The following SLC12A5 variants were observed in gnomAD, a reference collection of about 807,000 sequenced individuals.
The protein encoded by SLC12A5 is solute carrier family 12 member 5.
Under a neutral mutation model 124.0 loss-of-function variants are expected in SLC12A5, and 18 were observed. That is an observed-to-expected ratio of 0.15 (90% CI 0.10 to 0.22). The LOEUF (loss-of-function observed/expected upper bound fraction) is 0.22. Ranked by LOEUF, SLC12A5 falls within the 10% of genes least tolerant of loss-of-function variation. The pLI is 1.00. For synonymous variants in SLC12A5, 589 were observed against 568.0 expected, an observed-to-expected ratio of 1.04 and a Z score of -0.53; for missense variants, 867 against 1,478.7, an observed-to-expected ratio of 0.59 and a Z score of 6.78.
rs1445752751 is a variant in SLC12A5 at position 46,058,621 on chromosome 20, C to A, written c.*1016C>A. The stretch of plus-strand genomic sequence containing the variant: ...CCCGGTGCCTTCGCTGGGGAGCAGG[C>A]GTCTCTCCTCAGTCGGCTTGTCGCC... On this transcript the variant is annotated 3_prime_UTR_variant, in exon 26 of 26. Transcript: ENST00000243964. The surrounding 1 kb of genome is among the most constrained non-coding windows in gnomAD (Gnocchi z 5.8). 2.5e-6 allele frequency: 1 copy of A among 399,074 alleles called. No homozygotes were observed. Among genetic ancestry groups the A allele is most frequent in the East Asian group, 3.6e-5 (1 of 28,038 alleles). The allele number at this position is 399,074 out of a possible 1,614,324, so 24.7% of individuals were successfully genotyped here. A position where few individuals can be genotyped will look rare whatever the true frequency, so the allele number is the denominator to read the frequency against.
At chr20:46,024,868 A>G (rs945901610), upstream of SLC12A5, among the ~76,000 whole-genome samples, 3 of 152,186 alleles carry the variant, frequency 2.0e-5, no homozygotes, top group African/African-American at 7.2e-5. Flanking sequence ...ATGCTCCCCT[A>G]TTCCTTTATC....
intron 13 of SLC12A5, among the ~76,000 whole-genome samples, 154 bp from the exon 14 acceptor site, chr20:46,046,184 G>A (rs1318233298): frequency 2.0e-5 from 3 of 152,098 alleles, no homozygotes; most frequent in African/African-American, 4.8e-5. Flanking sequence ...TGTTGTGAGG[G>A]TATTTGGCTT....
chr20:46,022,167 C>A, intron 1 of SLC12A5: 1 of 311,310 alleles, frequency 3.2e-6, no homozygotes, highest in Non-Finnish European at 5.9e-6. Context: ...GGGGGCGGGT[C>A]TGGTGATGGA....
rs2084713833 is a variant in SLC12A5 at position 46,058,093 on chromosome 20, G to T, written c.*488G>T. ...CTCCGCCGCCCCTTCTCGCCGAGCCGTGGGGCGCGGGCGGCCGAGCCTATA... is the reference window on the plus strand; with the variant it reads ...CTCCGCCGCCCCTTCTCGCCGAGCCTTGGGGCGCGGGCGGCCGAGCCTATA... On this transcript the variant is annotated 3_prime_UTR_variant, in exon 26 of 26. Coordinates refer to ENST00000243964, the MANE Select transcript of SLC12A5 (RefSeq NM_020708.5). The surrounding 1 kb of genome is among the most constrained non-coding windows in gnomAD (Gnocchi z 5.8). 1.1e-5 allele frequency: 2 copies of T among 181,580 alleles called. No individual in the cohort carries two copies. Among genetic ancestry groups the T allele is most frequent in the African/African-American group, 4.7e-5 (2 of 42,548 alleles). The allele number at this position is 181,580 out of a possible 1,614,324, so 11.2% of individuals were successfully genotyped here. A position where few individuals can be genotyped will look rare whatever the true frequency, so the allele number is the denominator to read the frequency against.
At chr20:46,039,494 GC>G (rs1422128854) in intron 6 of SLC12A5, among the ~76,000 whole-genome samples, 1 of 152,174 alleles carries the variant, frequency 6.6e-6, no homozygotes, top group East Asian at 1.9e-4. Flanking sequence ...ATGTCATCTG[GC>G]CGGGCACAGT....
chr20:46,048,721 A>G (rs1268989370), intron 16 of SLC12A5, among the ~76,000 whole-genome samples: 1 of 152,104 alleles, frequency 6.6e-6, no homozygotes. Context: ...AAATACAAAA[A>G]TTAGCCAGGC....
At position 46,056,702 on chromosome 20, in the gene SLC12A5, C is replaced by T; in HGVS notation, c.3110+138C>T. 1 of 1,151,512 alleles carries T rather than the reference C, an allele frequency of 8.7e-7. No individual in the cohort carries two copies. The highest frequency in any genetic ancestry group is 1.2e-6 in the Non-Finnish European group (1 of 807,782). 71.3% of individuals were successfully genotyped at this position (1,151,512 alleles called of 1,614,324 possible). A position where few individuals can be genotyped will look rare whatever the true frequency, so the allele number is the denominator to read the frequency against. On this transcript the variant is annotated intron_variant, in intron 23 of 25. Transcript: ENST00000243964. This position sits in a 1 kb window ranked among gnomAD's most constrained non-coding sequence, Gnocchi z 4.3. Reference sequence around the variant, plus strand: ...TCAGACATTGTCTTGGTTTCTCCATCTGAGGACTTAGGGGGTTGGGCCCCA... The same window carrying T: ...TCAGACATTGTCTTGGTTTCTCCATTTGAGGACTTAGGGGGTTGGGCCCCA...
rs1312637544 is a variant in SLC12A5 at position 46,035,399 on chromosome 20, C to CA, written c.148-4dup. On this transcript the variant is annotated splice_polypyrimidine_tract_variant and splice_region_variant and intron_variant, in intron 2 of 25. Transcript: ENST00000243964. Reference sequence around the variant, plus strand: ...CCTCCTAGCACTGACACCCTCCCTCCATAGGAGGAGATGGACACCAGCCCT... The same window carrying CA: ...CCTCCTAGCACTGACACCCTCCCTCCAATAGGAGGAGATGGACACCAGCCCT... The CA allele has an allele frequency of 3.7e-6, 6 of 1,611,310 alleles. No individual in the cohort carries two copies. Among genetic ancestry groups the CA allele is most frequent in the Non-Finnish European group, 5.1e-6 (6 of 1,178,374 alleles).
Position 46,043,713 on chromosome 20 carries a change from G to A in SLC12A5, c.1318G>A (p.Ala440Thr), listed in dbSNP as rs769231047. Residue 440 changes from alanine (A) to threonine (T), a missense_variant, in exon 10 of 26, where the codon GCC (alanine) becomes ACC (threonine). Coordinates refer to ENST00000243964, the MANE Select transcript of SLC12A5 (RefSeq NM_020708.5). ...CCCCACTGGCACCATCCTGGCCATC[G>A]CCACCACCTCTGCTGTCTGTATCCT... ...SIPTGTILAI[A>T]TTSAVYISSV... 1.2e-5 allele frequency: 20 copies of A among 1,614,066 alleles called. No individual in the cohort carries two copies. In the East Asian group the frequency reaches 1.8e-4, roughly 14 times the overall value.
rs1191633112 is a variant in SLC12A5, at chr20:46,049,652, C to T, written c.2043C>T (p.Asp681=). 1 of 1,606,188 alleles carries T rather than the reference C, an allele frequency of 6.2e-7. No individual in the cohort carries two copies. The highest frequency in any genetic ancestry group is 8.5e-7 in the Non-Finnish European group (1 of 1,176,562). The change falls in exon 17 of 26, where the codon GAC becomes GAT. Residue 681 remains aspartate, a synonymous_variant. Transcript: ENST00000243964. ...RPQLLVLVRV[D]QDQNVVHPQL... ...AGCTGCTGGTGCTGGTGCGTGTGGA[C>T]CAAGACCAGAATGTGGTGCACCCCC... is the stretch of plus-strand genomic sequence containing the variant.
rs763398834 is a variant in SLC12A5, at chr20:46,053,567, A to T, written c.2548-11A>T. Reference sequence around the variant, plus strand: ...GGCTGGACCTTTCTGAATCCCCTTCATCGCCTGCAGGTCTGGCGGAAGTGC... The same window carrying T: ...GGCTGGACCTTTCTGAATCCCCTTCTTCGCCTGCAGGTCTGGCGGAAGTGC... On this transcript the variant is annotated splice_polypyrimidine_tract_variant and intron_variant, in intron 19 of 25. Transcript: ENST00000243964. This position sits in a 1 kb window ranked among gnomAD's most constrained non-coding sequence, Gnocchi z 4.7. The T allele has an allele frequency of 6.2e-7, 1 of 1,613,456 alleles. No homozygotes were observed. The highest frequency in any genetic ancestry group is 1.7e-5 in the Admixed American group (1 of 60,010).
Position 46,058,455 on chromosome 20 carries a change from G to A in SLC12A5, c.*850G>A. 2 of 399,206 alleles carry A rather than the reference G, an allele frequency of 5.0e-6. No homozygotes were observed. Among genetic ancestry groups the A allele is most frequent in the Non-Finnish European group, 8.8e-6 (2 of 226,204 alleles). The allele number at this position is 399,206 out of a possible 1,614,324, so 24.7% of individuals were successfully genotyped here. ...CTTTTCCTGGATTCGCCTCCCAGCG[G>A]ACGTGAGCTTCCACTGCGGCTGCAG... is the stretch of plus-strand genomic sequence containing the variant. On this transcript the variant is annotated 3_prime_UTR_variant, in exon 26 of 26. Coordinates refer to ENST00000243964, the MANE Select transcript of SLC12A5 (RefSeq NM_020708.5). This position sits in a 1 kb window ranked among gnomAD's most constrained non-coding sequence, Gnocchi z 5.8.
chr20:46,052,763 C>T (rs1305312250), intron 18 of SLC12A5, among the ~76,000 whole-genome samples, 194 bp from the exon 19 acceptor site: 2 of 152,174 alleles, frequency 1.3e-5, no homozygotes, highest in Non-Finnish European at 2.9e-5. Context: ...GGTTGATAGA[C>T]GTTCCTAGAT....
chr20:46,025,040 G>A (rs2084385742), upstream of SLC12A5, among the ~76,000 whole-genome samples: 1 of 152,160 alleles, frequency 6.6e-6, no homozygotes, highest in Non-Finnish European at 1.5e-5. Flanking sequence ...GCCCATCTGT[G>A]TTCTAGCTCA....
chr20:46,058,260 T>C lies in SLC12A5; in HGVS notation c.*655T>C, dbSNP rs949757711. The C allele has an allele frequency of 1.8e-5, 7 of 392,008 alleles. No homozygotes were observed. Among genetic ancestry groups the C allele is most frequent in the African/African-American group, 1.4e-4 (7 of 48,562 alleles). The allele number at this position is 392,008 out of a possible 1,614,324, so 24.3% of individuals were successfully genotyped here. A position where few individuals can be genotyped will look rare whatever the true frequency, so the allele number is the denominator to read the frequency against. ...GAGGCCTCGGGAAGCTGAATTTTCC[T>C]TGACGTCCAAGAGTTTGAGAGCGAA... On this transcript the variant is annotated 3_prime_UTR_variant, in exon 26 of 26. Coordinates refer to ENST00000243964, the MANE Select transcript of SLC12A5 (RefSeq NM_020708.5). This position sits in a 1 kb window ranked among gnomAD's most constrained non-coding sequence, Gnocchi z 5.8.
In SLC12A5 at chr20:46,041,533, C is replaced by T; in HGVS notation, c.1059C>T (p.Leu353=). 1.2e-6 allele frequency: 2 copies of T among 1,613,810 alleles called. No homozygotes were observed. The highest frequency in any genetic ancestry group is 1.7e-6 in the Non-Finnish European group (2 of 1,179,948). ...IQGIPGAASG[L]IKENLWSSYL... ...GCATCCCTGGTGCTGCCAGTGGCCT[C>T]ATCAAAGGTCTGCGGAGGGACAAGG... The change falls in exon 8 of 26, where the codon CTC becomes CTT. Residue 353 remains leucine (L), a synonymous_variant. Coordinates refer to ENST00000243964, the MANE Select transcript of SLC12A5 (RefSeq NM_020708.5).
Position 46,057,238 on chromosome 20 carries a change from G to T in SLC12A5, c.3194G>T (p.Arg1065Leu). ...AACGAGGTCATCGTGAAGAAATCCCGGGACGCCAAGCTTGTTTTGCTCAAC... is the reference window on the plus strand; with the variant it reads ...AACGAGGTCATCGTGAAGAAATCCCTGGACGCCAAGCTTGTTTTGCTCAAC... ...RLNEVIVKKS[R>L]DAKLVLLNMP... The change falls in exon 25 of 26, where the codon CGG becomes CTG. Residue 1065 changes from arginine to leucine, a missense_variant. Transcript: ENST00000243964. The surrounding 1 kb of genome is among the most constrained non-coding windows in gnomAD (Gnocchi z 7.1). 1 of 1,614,170 alleles carries T rather than the reference G, an allele frequency of 6.2e-7. No homozygotes were observed. The highest frequency in any genetic ancestry group is 1.3e-5 in the African/African-American group (1 of 75,014).
At position 46,029,657 on chromosome 20, in the gene SLC12A5, G is replaced by A. The variant is rs2868364; in HGVS notation, c.52+261G>A. Among the ~76,000 whole-genome samples, 57,709 of 152,050 alleles carry A rather than the reference G, an allele frequency of 0.38. 12,715 individuals are homozygous for A. The highest frequency in any genetic ancestry group is 0.56 in the Middle Eastern group (165 of 294). ...CACGGCTTCGGGCTGACTTGGGTTA[G>A]CTAAACCGAGGAGGCGGTGGGAAGG... On this transcript the variant is annotated intron_variant, in intron 1 of 25. Transcript: ENST00000243964.
Position 46,043,307 on chromosome 20 carries a change from C to T in SLC12A5, c.1221C>T (p.Tyr407=), listed in dbSNP as rs767453082. The change falls in exon 9 of 26, where the codon TAC becomes TAT. Residue 407 remains tyrosine, a synonymous_variant. Coordinates refer to ENST00000243964, the MANE Select transcript of SLC12A5 (RefSeq NM_020708.5). ...ACTTCACCCTGCTGGTTGGCATCTA[C>T]TTCCCCTCAGTCACAGGTGAAGGGG... ...TSYFTLLVGI[Y]FPSVTGIMAG... is the part of the protein sequence containing the mutation. 9 of 1,614,060 alleles carry T rather than the reference C, an allele frequency of 5.6e-6. No homozygotes were observed. The highest frequency in any genetic ancestry group is 5.9e-6 in the Non-Finnish European group (7 of 1,179,938).
Sources: allele counts gnomAD v4.1 joint callset (sites outside exome capture counted in the v4.1 genomes callset), GRCh38; gene constraint gnomAD v4.1.1; non-coding constraint Gnocchi (gnomAD v3.1); transcripts MANE v1.5; gene names NCBI Gene and HGNC (gene_info 2026-07-23, HGNC 2026-07-21).